GALNT17: variants seen among roughly 807,000 people sequenced by gnomAD.
The protein encoded by GALNT17 is UDP-GalNAc:polypeptide N-acetylgalactosaminyltransferase-like 3.
In GALNT17, 29 loss-of-function variants were observed where a neutral mutation model predicts 63.7. The ratio of observed to expected loss-of-function variants is 0.46; its 90% CI spans 0.34 to 0.62. The LOEUF is 0.62. Ranked by LOEUF, GALNT17 falls within the 20% of genes least tolerant of loss-of-function variation. GALNT17 has a pLI of 0.01. For synonymous variants in GALNT17, 305 were observed against 318.3 expected (o/e 0.96, Z 0.45); for missense variants, 603 against 799.6 (o/e 0.75, Z 2.97).
At chr7:71,437,910 G>C (rs1786994379) in intron 5 of GALNT17, among the ~76,000 whole-genome samples, 1 of 152,040 alleles carries the variant, frequency 6.6e-6, no homozygotes, top group Non-Finnish European at 1.5e-5. Context: ...GTAGGGTCTT[G>C]CTATGTTGTC....
At chr7:71,292,664 A>AGTGTGT (rs1219231382) in intron 1 of GALNT17, among the ~76,000 whole-genome samples, 2 of 114,250 alleles carry the variant, frequency 1.8e-5, no homozygotes, top group East Asian at 3.4e-4. Flanking sequence ...AGAGAGAGAG[A>AGTGTGT]GAGAGTGTGT....
intron 5 of GALNT17, among the ~76,000 whole-genome samples, chr7:71,471,092 CT>C (rs1220903114): frequency 6.6e-6 from 1 of 150,490 alleles, no homozygotes; most frequent in East Asian, 2.0e-4. Flanking sequence ...TGTTTTTTTT[CT>C]TTTCCCCAGT....
intron 2 of GALNT17, among the ~76,000 whole-genome samples, chr7:71,363,071 A>G (rs946845224): frequency 2.2e-4 from 33 of 151,766 alleles, no homozygotes; most frequent in African/African-American, 7.7e-4. Context: ...GGTTCAAGTG[A>G]TTCTCCTGCC....
chr7:71,132,917 T>C lies in GALNT17; in HGVS notation c.115T>C (p.Phe39Leu). The C allele has an allele frequency of 6.2e-7, 1 of 1,612,208 alleles. No individual in the cohort carries two copies. The highest frequency in any genetic ancestry group is 8.5e-7 in the Non-Finnish European group (1 of 1,179,568). The change falls in exon 1 of 11, where the codon TTC becomes CTC. Residue 39 changes from phenylalanine (F) to leucine (L), a missense_variant. Physicochemically the swap from Phe to Leu is conservative, Grantham distance 22 (BLOSUM62 0). Transcript: ENST00000333538. Reference sequence around the variant, plus strand: ...CATCGCGGTGCGCAGCGGAGACGCCTTCCACGAGATCCGGCCGCGCGCCGA... The same window carrying C: ...CATCGCGGTGCGCAGCGGAGACGCCCTCCACGAGATCCGGCCGCGCGCCGA... ...RPIAVRSGDA[F>L]HEIRPRAEVA...
chr7:71,530,604 C>T (rs773443819), intron 5 of GALNT17, among the ~76,000 whole-genome samples: 31 of 151,718 alleles, frequency 2.0e-4, no homozygotes, highest in Non-Finnish European at 3.2e-4. Context: ...GACAGAGTCT[C>T]GCTCTGTCGC....
rs113118974 is a variant in GALNT17 at position 71,183,722 on chromosome 7, C to CA, written c.238+50682_238+50683insA. Among the ~76,000 whole-genome samples, 227 of 150,676 alleles carry CA rather than the reference C, an allele frequency of 1.5e-3. 5 individuals are homozygous for CA. The highest frequency in any genetic ancestry group is 5.4e-3 in the African/African-American group (215 of 40,158). ...GACCAGCCTGGGCAACATGGTGAAA[C>CA]CCCCACTGTACGAAAAATAACAAAA... On this transcript the variant is annotated intron_variant, in intron 1 of 10. Transcript: ENST00000333538.
chr7:71,548,764 A>G (rs1263799125), intron 5 of GALNT17, among the ~76,000 whole-genome samples: 3 of 152,236 alleles, frequency 2.0e-5, no homozygotes, highest in Non-Finnish European at 4.4e-5. Context: ...GGACTAATAC[A>G]GTGTCCTGTC....
At chr7:71,577,117 A>C (rs1335679712) in intron 6 of GALNT17, among the ~76,000 whole-genome samples, 2 of 152,206 alleles carry the variant, frequency 1.3e-5, no homozygotes, top group African/African-American at 4.8e-5. Flanking sequence ...AAGAACAGAA[A>C]ACCGAATACC....
chr7:71,366,559 G>A (rs982863104), intron 2 of GALNT17, among the ~76,000 whole-genome samples: 12 of 151,136 alleles, frequency 7.9e-5, no homozygotes, highest in Admixed American at 2.6e-4. Context: ...CCAGCCTGGC[G>A]ACAGAGCGAG....
intron 6 of GALNT17, among the ~76,000 whole-genome samples, chr7:71,591,807 C>A (rs916488503): frequency 2.0e-5 from 3 of 151,928 alleles, no homozygotes; most frequent in African/African-American, 7.3e-5. Flanking sequence ...GGATTACAGG[C>A]GCATGCCACC....
intron 6 of GALNT17, among the ~76,000 whole-genome samples, chr7:71,592,911 G>A (rs2116920302): frequency 6.6e-6 from 1 of 152,244 alleles, no homozygotes; most frequent in South Asian, 2.1e-4. Context: ...CTTTGGGAGG[G>A]AGAGGTGGGA....
intron 1 of GALNT17, among the ~76,000 whole-genome samples, chr7:71,304,972 T>C (rs960829274): frequency 2.0e-5 from 3 of 152,148 alleles, no homozygotes; most frequent in Non-Finnish European, 4.4e-5. Flanking sequence ...CCTCCGTGAT[T>C]CACCTGCCTT....
Position 71,548,139 on chromosome 7 carries a change from G to A in GALNT17, c.963-23146G>A, listed in dbSNP as rs149342061. Among the ~76,000 whole-genome samples, 32 of 151,936 alleles carry A rather than the reference G, an allele frequency of 2.1e-4. No homozygotes were observed. In the East Asian group the frequency reaches 5.2e-3, roughly 25 times the overall value. On this transcript the variant is annotated intron_variant, in intron 5 of 10. Transcript: ENST00000333538. ...CACCTGTAATCCCAGCTACTTGGGA[G>A]GCTGAGGCAGGAAAATCACTTGAAT...
intron 9 of GALNT17, among the ~76,000 whole-genome samples, chr7:71,700,305 CAA>C (rs60522666): frequency 0.15 from 20,432 of 134,612 alleles, 1,560 homozygotes; most frequent in African/African-American, 0.22. Flanking sequence ...GAGACTTTCT[CAA>C]AAAAAAAAAA....
chr7:71,267,307 C>T (rs539024713), intron 1 of GALNT17, among the ~76,000 whole-genome samples: 1 of 152,130 alleles, frequency 6.6e-6, no homozygotes, highest in African/African-American at 2.4e-5. Flanking sequence ...CCACGCCTTC[C>T]TGGAATGAGC....
intron 2 of GALNT17, among the ~76,000 whole-genome samples, chr7:71,376,410 T>G (rs980072996): frequency 7.1e-6 from 1 of 140,858 alleles, no homozygotes; most frequent in Non-Finnish European, 1.5e-5. Flanking sequence ...TTAATAAAAC[T>G]TAAGGTTTGG....
intron 1 of GALNT17, among the ~76,000 whole-genome samples, chr7:71,155,103 T>C (rs999541652): frequency 2.6e-5 from 4 of 151,628 alleles, no homozygotes; most frequent in Non-Finnish European, 5.9e-5. Flanking sequence ...GAGCGTTGAG[T>C]TTATTTGGAA....
At chr7:71,485,008 C>T (rs1787887736) in intron 5 of GALNT17, among the ~76,000 whole-genome samples, 1 of 133,318 alleles carries the variant, frequency 7.5e-6, no homozygotes, top group African/African-American at 2.9e-5. Context: ...AAGGTTTCAC[C>T]ATGTTGGTCA....
intron 5 of GALNT17, among the ~76,000 whole-genome samples, chr7:71,561,651 T>C (rs976292036): frequency 1.3e-5 from 2 of 151,924 alleles, no homozygotes; most frequent in Non-Finnish European, 2.9e-5. Context: ...ATGATAGAAT[T>C]TGGAGATATG....
Sources: allele counts gnomAD v4.1 joint callset (sites outside exome capture counted in the v4.1 genomes callset), GRCh38; gene constraint gnomAD v4.1.1; transcripts MANE v1.5; gene names NCBI Gene and HGNC (gene_info 2026-07-23, HGNC 2026-07-21).